The following PDGFRA variants were observed in gnomAD, a reference collection of about 807,000 sequenced individuals.
PDGFRA encodes platelet derived growth factor receptor alpha, also known as platelet-derived growth factor receptor alpha.
PDGFRA carries 25 observed loss-of-function variants against 121.5 expected under a neutral mutation model. That is an observed-to-expected ratio of 0.21 (90% CI 0.15 to 0.29). PDGFRA has a LOEUF of 0.29. PDGFRA is among the 10% of genes least tolerant of loss of function. The pLI, the probability that PDGFRA is intolerant of heterozygous loss-of-function variation, is 1.00. For synonymous variants in PDGFRA, 463 were observed against 494.8 expected, an observed-to-expected ratio of 0.94 and a Z score of 0.85; for missense variants, 1,008 against 1,345.1, an observed-to-expected ratio of 0.75 and a Z score of 3.92.
intron 7 of PDGFRA, among the ~76,000 whole-genome samples, chr4:54,269,206 G>A (rs750242986): frequency 7.9e-5 from 12 of 152,128 alleles, no homozygotes; most frequent in Non-Finnish European, 1.5e-5. Context: ...CACCCAGTAT[G>A]GTCCAGCCTG....
chr4:54,233,489 G>T (rs1364524797), intron 1 of PDGFRA, among the ~76,000 whole-genome samples: 1 of 152,226 alleles, frequency 6.6e-6, no homozygotes, highest in African/African-American at 2.4e-5. Context: ...CTCCGGGGAC[G>T]CATCCCGCTT....
At chr4:54,253,635 G>C (rs1722188122) in intron 1 of PDGFRA, among the ~76,000 whole-genome samples, 1 of 152,108 alleles carries the variant, frequency 6.6e-6, no homozygotes, top group African/African-American at 2.4e-5. Context: ...AAGAAATCTA[G>C]ATGAAATCCA....
intron 21 of PDGFRA, among the ~76,000 whole-genome samples, chr4:54,289,502 G>A (rs1724522115): frequency 6.6e-6 from 1 of 152,180 alleles, no homozygotes; most frequent in Non-Finnish European, 1.5e-5. Flanking sequence ...GTTATCTGTG[G>A]CACCAGCTGG....
chr4:54,280,360 T>C lies in PDGFRA; in HGVS notation c.2201T>C (p.Met734Thr), dbSNP rs774628734. The change falls in exon 16 of 23, where the codon ATG becomes ACG. Residue 734 changes from methionine to threonine, a missense_variant. This residue lies in a region of PDGFRA where 128 missense variants were observed against 147.6 expected (regional missense o/e 0.87). Transcript: ENST00000257290. ...SFENNGDYMD[M>T]KQADTTQYVP... The stretch of plus-strand genomic sequence containing the variant: ...GAAAACAATGGTGACTACATGGACA[T>C]GAAGCAGGCTGATACTACACAGTAT... 2 of 1,613,434 alleles carry C rather than the reference T, an allele frequency of 1.2e-6. No individual in the cohort carries two copies. Among genetic ancestry groups the C allele is most frequent in the South Asian group, 1.1e-5 (1 of 91,066 alleles).
In PDGFRA at chr4:54,285,873, C is replaced by A. The variant is rs2228230; in HGVS notation, c.2472C>A (p.Val824=). 6.2e-7 allele frequency: 1 copy of A among 1,613,596 alleles called. No individual in the cohort carries two copies. The highest frequency in any genetic ancestry group is 1.1e-5 in the South Asian group (1 of 91,064). ...ACCGTGATCTGGCTGCTCGCAACGT[C>A]CTCCTGGCACAAGGAAAAATTGTGA... The part of the protein sequence containing the change: ...CVHRDLAARN[V]LLAQGKIVKI... Residue 824 remains valine, a synonymous_variant, in exon 18 of 23, where the codon GTC becomes GTA. Transcript: ENST00000257290.
At chr4:54,277,633 T>C (rs1723811937) in intron 13 of PDGFRA, 141 bp downstream of exon 13, 1 of 725,508 alleles carries the variant, frequency 1.4e-6, no homozygotes, top group African/African-American at 1.8e-5. Flanking sequence ...AGGTTTTATG[T>C]GTATTTAGAT....
Position 54,297,695 on chromosome 4 carries a change from T to A in PDGFRA, c.*2423T>A, listed in dbSNP as rs1577759460. The A allele has an allele frequency of 8.6e-6, 2 of 233,574 alleles. No individual in the cohort carries two copies. Among genetic ancestry groups the A allele is most frequent in the African/African-American group, 4.4e-5 (2 of 45,328 alleles). The allele number at this position is 233,574 out of a possible 1,614,324, so 14.5% of individuals were successfully genotyped here. A position where few individuals can be genotyped will look rare whatever the true frequency, so the allele number is the denominator to read the frequency against. ...GTTTTCAGCAAATTCCAGATTTGTT[T>A]CCTTTTGGCCTCCTGCAAAGTCTCC... On this transcript the variant is annotated 3_prime_UTR_variant, in exon 23 of 23. Transcript: ENST00000257290.
chr4:54,284,553 T>TGAGAGAGAGAGAGAGA (rs1446665217), intron 16 of PDGFRA, among the ~76,000 whole-genome samples: 5 of 72,970 alleles, frequency 6.9e-5, no homozygotes, highest in African/African-American at 1.9e-4. Context: ...CAGGAGCAAG[T>TGAGAGAGAGAGAGAGA]GAGAGAGAGA....
intron 22 of PDGFRA, among the ~76,000 whole-genome samples, chr4:54,294,143 T>G (rs865817633): frequency 6.6e-6 from 1 of 152,092 alleles, no homozygotes; most frequent in African/African-American, 2.4e-5. Flanking sequence ...TCTTCGGTTT[T>G]TTATTATGCT....
At chr4:54,235,449 T>C (rs1720958532) in intron 1 of PDGFRA, among the ~76,000 whole-genome samples, 1 of 152,404 alleles carries the variant, frequency 6.6e-6, no homozygotes, top group Admixed American at 6.5e-5. Flanking sequence ...CCTTTGGTTA[T>C]AGAGTCATGT....
chr4:54,243,954 C>T (rs1367312577), intron 1 of PDGFRA, among the ~76,000 whole-genome samples: 3 of 152,238 alleles, frequency 2.0e-5, no homozygotes, highest in African/African-American at 4.8e-5. Context: ...CACAGAGTCT[C>T]GCTGATTGCT....
intron 1 of PDGFRA, among the ~76,000 whole-genome samples, chr4:54,230,795 G>A (rs754426886): frequency 2.0e-5 from 3 of 152,176 alleles, no homozygotes; most frequent in Non-Finnish European, 4.4e-5. Context: ...AGAGCCGTCT[G>A]TGCGTACTTC....
rs147733970 is a variant in PDGFRA at position 54,274,539 on chromosome 4, T to A, written c.1567T>A (p.Ser523Thr). 3 of 1,613,116 alleles carry A rather than the reference T, an allele frequency of 1.9e-6. No individual in the cohort carries two copies. The African/African-American group carries it at 4.0e-5, about 22-fold the overall frequency. The change falls in exon 11 of 23, where the codon TCT becomes ACT. Residue 523 changes from serine (S) to threonine (T), a missense_variant. Ser to Thr is a moderately conservative substitution (Grantham distance 58). Coordinates refer to ENST00000257290, the MANE Select transcript of PDGFRA (RefSeq NM_006206.6). ...TCTCTCTTGTCACGTAGCCCTGCGT[T>A]CTGAACTCACGGTGGCTGCTGCAGT... ...ELKLVAPTLRSELTVAAAVLV... is the reference protein window; with the variant it reads ...ELKLVAPTLRTELTVAAAVLV...
chr4:54,230,125 C>A (rs1015393411), intron 1 of PDGFRA, among the ~76,000 whole-genome samples: 1 of 151,910 alleles, frequency 6.6e-6, no homozygotes, highest in Non-Finnish European at 1.5e-5. Context: ...CCAGATTTGG[C>A]GCGGCGGTGA....
intron 22 of PDGFRA, among the ~76,000 whole-genome samples, chr4:54,290,952 C>T (rs1345550237): frequency 2.0e-5 from 3 of 152,110 alleles, no homozygotes; most frequent in Admixed American, 6.6e-5. Context: ...TGACGCTATA[C>T]CCTACCTGTG....
At chr4:54,275,601 G>C (rs547194863) in intron 12 of PDGFRA, among the ~76,000 whole-genome samples, 1 of 152,350 alleles carries the variant, frequency 6.6e-6, no homozygotes, top group East Asian at 1.9e-4. Flanking sequence ...GGTAGAGGTT[G>C]TGTTATGATG....
intron 12 of PDGFRA, among the ~76,000 whole-genome samples, chr4:54,276,208 C>T (rs1234079712): frequency 6.6e-6 from 1 of 152,094 alleles, no homozygotes; most frequent in Non-Finnish European, 1.5e-5. Context: ...AACCAATCAG[C>T]ACTCCCCTTT....
chr4:54,240,088 A>G lies in PDGFRA; in HGVS notation c.-13+10673A>G, dbSNP rs971169534. ...GACTGGTCTTGAACTCCTGGGCTCAAATGATCTGCCTGCCTCAGCTTCCCA... is the reference window on the plus strand; with the variant it reads ...GACTGGTCTTGAACTCCTGGGCTCAGATGATCTGCCTGCCTCAGCTTCCCA... On this transcript the variant is annotated intron_variant, in intron 1 of 22. Transcript: ENST00000257290. 2 of 407,778 alleles carry G rather than the reference A, an allele frequency of 4.9e-6. No homozygotes were observed. Among genetic ancestry groups the G allele is most frequent in the Non-Finnish European group, 1.0e-5 (2 of 198,334 alleles). 25.3% of individuals were successfully genotyped at this position (407,778 alleles called of 1,614,324 possible).
At chr4:54,250,617 A>G (rs1274084164) in intron 1 of PDGFRA, among the ~76,000 whole-genome samples, 1 of 152,208 alleles carries the variant, frequency 6.6e-6, no homozygotes, top group Non-Finnish European at 1.5e-5. Context: ...GAGTTAACCA[A>G]ATTTCTTTGT....
Sources: allele counts gnomAD v4.1 joint callset (sites outside exome capture counted in the v4.1 genomes callset), GRCh38; gene constraint gnomAD v4.1.1; regional missense constraint gnomAD v4.1.1; transcripts MANE v1.5; gene names NCBI Gene and HGNC (gene_info 2026-07-23, HGNC 2026-07-21).